PCP4: variants seen among roughly 807,000 people sequenced by gnomAD.
PCP4 encodes Purkinje cell protein 4, also known as calmodulin regulator protein PCP4.
In PCP4, 8 loss-of-function variants were observed where a neutral mutation model predicts 10.0. The ratio of observed to expected loss-of-function variants is 0.80; its 90% CI spans 0.47 to 1.45. PCP4 has a LOEUF of 1.45. Ranked by LOEUF, PCP4 falls within the 40% of genes most tolerant of loss-of-function variation. The probability of loss-of-function intolerance (pLI) is 0.00; values close to 1 mark genes in which losing one functional copy is unlikely to be tolerated. For missense variants in PCP4, 54 were observed against 74.4 expected, an observed-to-expected ratio of 0.73 and a Z score of 1.01; for synonymous variants, 21 against 23.0, an observed-to-expected ratio of 0.91 and a Z score of 0.24.
At position 39,906,363 on chromosome 21, in the gene PCP4, A is replaced by G. The variant is rs777621792; in HGVS notation, c.61+7836A>G. On this transcript the variant is annotated intron_variant, in intron 2 of 2. Transcript: ENST00000328619. The surrounding 1 kb of genome is among the most constrained non-coding windows in gnomAD (Gnocchi z 6.3). The stretch of plus-strand genomic sequence containing the variant: ...AGCCAAACCAGAAACTATTGTATCC[A>G]TAGTACCATTATCCCATCAGTTTAG... Among the ~76,000 whole-genome samples, 2 of 152,234 alleles carry G rather than the reference A, an allele frequency of 1.3e-5. No individual in the cohort carries two copies. Among genetic ancestry groups the G allele is most frequent in the Admixed American group, 1.3e-4 (2 of 15,282 alleles).
chr21:39,890,064 G>T (rs1239410664), intron 1 of PCP4, among the ~76,000 whole-genome samples: 1 of 152,104 alleles, frequency 6.6e-6, no homozygotes, highest in African/African-American at 2.4e-5. Context: ...GACAACAAAG[G>T]GTGGAAGCGA....
In PCP4 at chr21:39,929,355, C is replaced by A; in HGVS notation, c.*244C>A. 1 of 334,394 alleles carries A rather than the reference C, an allele frequency of 3.0e-6. No individual in the cohort carries two copies. The highest frequency in any genetic ancestry group is 5.4e-6 in the Non-Finnish European group (1 of 185,828). 20.7% of individuals were successfully genotyped at this position (334,394 alleles called of 1,614,324 possible). ...TTTTCATTCCTCCTGCAACTATTTT[C>A]CTTGATGTTGTAATAAAATGAAGTT... is the stretch of plus-strand genomic sequence containing the variant. On this transcript the variant is annotated 3_prime_UTR_variant, in exon 3 of 3. Coordinates refer to ENST00000328619, the MANE Select transcript of PCP4 (RefSeq NM_006198.3).
rs148914779 is a variant in PCP4 at position 39,903,098 on chromosome 21, T to A, written c.61+4571T>A. Among the ~76,000 whole-genome samples, 3 of 152,306 alleles carry A rather than the reference T, an allele frequency of 2.0e-5. No individual in the cohort carries two copies. The East Asian group carries it at 5.8e-4, about 29-fold the overall frequency. ...GTCCGGAGAGACTCCAAGAGTTAAA[T>A]TTTTTTATTGACACACAAAAGCAGA... On this transcript the variant is annotated intron_variant, in intron 2 of 2. Coordinates refer to ENST00000328619, the MANE Select transcript of PCP4 (RefSeq NM_006198.3).
intron 2 of PCP4, among the ~76,000 whole-genome samples, chr21:39,909,557 C>T (rs990257720): frequency 1.3e-5 from 2 of 152,078 alleles, no homozygotes. Flanking sequence ...TTCCTTTTTT[C>T]CTCTTGGGAT....
At chr21:39,886,151 G>A (rs2087399700) in intron 1 of PCP4, among the ~76,000 whole-genome samples, 1 of 152,164 alleles carries the variant, frequency 6.6e-6, no homozygotes, top group South Asian at 2.1e-4. Context: ...ATGACACTGT[G>A]GGGTACTTGG....
chr21:39,916,525 A>G (rs1470200400), intron 2 of PCP4, among the ~76,000 whole-genome samples: 5 of 152,174 alleles, frequency 3.3e-5, no homozygotes, highest in Non-Finnish European at 5.9e-5. Flanking sequence ...TAGCTCAACC[A>G]TTATTCAACC....
At chr21:39,903,013 G>A (rs1369096202) in intron 2 of PCP4, among the ~76,000 whole-genome samples, 1 of 152,090 alleles carries the variant, frequency 6.6e-6, no homozygotes, top group Admixed American at 6.5e-5. Context: ...GAACACAACC[G>A]AAAGATTTTT....
chr21:39,920,653 G>A (rs2087592824), intron 2 of PCP4, among the ~76,000 whole-genome samples: 1 of 152,178 alleles, frequency 6.6e-6, no homozygotes, highest in Admixed American at 6.5e-5. Context: ...TTTTTGAATT[G>A]TGCTGTGTTT....
At chr21:39,873,892 C>G (rs1255924625) in intron 1 of PCP4, among the ~76,000 whole-genome samples, 1 of 152,174 alleles carries the variant, frequency 6.6e-6, no homozygotes, top group African/African-American at 2.4e-5. Flanking sequence ...TTATGCCTCA[C>G]AAAGAGCTCT....
intron 1 of PCP4, among the ~76,000 whole-genome samples, chr21:39,888,963 A>T (rs558095150): frequency 1.7e-4 from 26 of 152,334 alleles, no homozygotes; most frequent in Non-Finnish European, 2.6e-4. Flanking sequence ...GAGACACCAC[A>T]GTCCTTTAAC....
rs554576620 is a variant in PCP4, at chr21:39,929,291, A to G, written c.*180A>G. ...ATACCCTTGTAGGAAGGTATAGACA[A>G]TGGAATTGTGAGTAGCTTAATCTCT... On this transcript the variant is annotated 3_prime_UTR_variant, in exon 3 of 3. Coordinates refer to ENST00000328619, the MANE Select transcript of PCP4 (RefSeq NM_006198.3). The G allele has an allele frequency of 1.8e-4, 82 of 449,290 alleles. 2 individuals are homozygous for G. The South Asian group carries it at 2.7e-3, about 15-fold the overall frequency. The allele number at this position is 449,290 out of a possible 1,614,324, so 27.8% of individuals were successfully genotyped here.
In PCP4 at chr21:39,913,365, G is replaced by A. The variant is rs79724351; in HGVS notation, c.61+14838G>A. Among the ~76,000 whole-genome samples, 347 of 152,318 alleles carry A rather than the reference G, an allele frequency of 2.3e-3. 2 individuals are homozygous for A. The highest frequency in any genetic ancestry group is 8.0e-3 in the African/African-American group (333 of 41,560). On this transcript the variant is annotated intron_variant, in intron 2 of 2. Transcript: ENST00000328619. ...GATTGTGAAGTTTAACTGTCACAGGGCTGGCCGTCCCTAGAAATCAGCACC... is the reference window on the plus strand; with the variant it reads ...GATTGTGAAGTTTAACTGTCACAGGACTGGCCGTCCCTAGAAATCAGCACC...
intron 2 of PCP4, among the ~76,000 whole-genome samples, chr21:39,913,631 C>G (rs927825477): frequency 1.3e-5 from 2 of 152,190 alleles, no homozygotes. Flanking sequence ...GGACCCATGA[C>G]TGAATGGAGA....
At chr21:39,889,962 C>G (rs2087421919) in intron 1 of PCP4, among the ~76,000 whole-genome samples, 1 of 152,122 alleles carries the variant, frequency 6.6e-6, no homozygotes, top group African/African-American at 2.4e-5. Context: ...CATGATCTGT[C>G]TCGTGTTCTG....
At chr21:39,912,614 G>A (rs1275877192) in intron 2 of PCP4, among the ~76,000 whole-genome samples, 1 of 152,058 alleles carries the variant, frequency 6.6e-6, no homozygotes, top group Non-Finnish European at 1.5e-5. Flanking sequence ...AAAAAAGTCT[G>A]GAGCTTCAGA....
In PCP4 at chr21:39,908,721, C is replaced by G. The variant is rs558221409; in HGVS notation, c.61+10194C>G. 1.3e-4 allele frequency among the ~76,000 whole-genome samples: 20 copies of G among 152,204 alleles called. 1 individual carries two copies. In the South Asian group the frequency reaches 3.7e-3, roughly 28 times the overall value. On this transcript the variant is annotated intron_variant, in intron 2 of 2. Transcript: ENST00000328619. The stretch of plus-strand genomic sequence containing the variant: ...GAGTGCCCGCGGCTCCAGGTGCTCT[C>G]TGGGAGGCTGGAGTAGCTGCTACTG...
chr21:39,920,844 G>A (rs1203827620), intron 2 of PCP4, among the ~76,000 whole-genome samples: 1 of 152,188 alleles, frequency 6.6e-6, no homozygotes, highest in Non-Finnish European at 1.5e-5. Context: ...CCCACCATCC[G>A]TGAAGAGCCC....
rs1267656368 is a variant in PCP4, at chr21:39,906,720, T to C, written c.61+8193T>C. The stretch of plus-strand genomic sequence containing the variant: ...TCATTCCACATCATACAGAGAAAGC[T>C]TATACACCTTGGTGAAAAAGTAAAG... On this transcript the variant is annotated intron_variant, in intron 2 of 2. Coordinates refer to ENST00000328619, the MANE Select transcript of PCP4 (RefSeq NM_006198.3). The surrounding 1 kb of genome is among the most constrained non-coding windows in gnomAD (Gnocchi z 6.3). 2.0e-5 allele frequency among the ~76,000 whole-genome samples: 3 copies of C among 152,178 alleles called. No individual in the cohort carries two copies. The highest frequency in any genetic ancestry group is 7.2e-5 in the African/African-American group (3 of 41,444).
At chr21:39,868,845 A>G (rs1435165164) in intron 1 of PCP4, among the ~76,000 whole-genome samples, 1 of 152,114 alleles carries the variant, frequency 6.6e-6, no homozygotes, top group African/African-American at 2.4e-5. Flanking sequence ...TGATGTCTAA[A>G]TGTGTATGGA....
Sources: allele counts gnomAD v4.1 joint callset (sites outside exome capture counted in the v4.1 genomes callset), GRCh38; gene constraint gnomAD v4.1.1; non-coding constraint Gnocchi (gnomAD v3.1); transcripts MANE v1.5; gene names NCBI Gene and HGNC (gene_info 2026-07-23, HGNC 2026-07-21).